Variants in POLDIP3 observed in about 807,000 individuals in gnomAD.
The protein encoded by POLDIP3 is polymerase delta-interacting protein 3.
Under a neutral mutation model 45.1 loss-of-function variants are expected in POLDIP3, and 14 were observed. The ratio of observed to expected loss-of-function variants is 0.31; its 90% CI spans 0.20 to 0.49. POLDIP3 has a LOEUF of 0.49. Among genes scored for constraint, POLDIP3 ranks in the 20% least tolerant of loss-of-function variants. The pLI is 0.99. For synonymous variants in POLDIP3, 223 were observed against 205.2 expected (o/e 1.09, Z -0.74); for missense variants, 511 against 538.8 (o/e 0.95, Z 0.51).
chr22:42,614,691 G>C (rs548314854), intron 1 of POLDIP3, 108 bp downstream of exon 1: 10 of 1,258,994 alleles, frequency 7.9e-6, no homozygotes, highest in East Asian at 2.5e-5. Flanking sequence ...CTGTGGTCGG[G>C]GGCGGGCGCA....
intron 1 of POLDIP3, among the ~76,000 whole-genome samples, chr22:42,614,310 G>C (rs547863525): frequency 3.5e-4 from 54 of 152,356 alleles, no homozygotes; most frequent in Middle Eastern, 3.4e-3. Context: ...AGAGAGGCGA[G>C]TGTTAACAGG....
chr22:42,614,235 C>T (rs1927314935), intron 1 of POLDIP3, among the ~76,000 whole-genome samples: 1 of 152,170 alleles, frequency 6.6e-6, no homozygotes, highest in Non-Finnish European at 1.5e-5. Context: ...GACAACAGGA[C>T]TGTAAAAGAT....
rs1171879887 is a variant in POLDIP3 at position 42,585,101 on chromosome 22, G to T, written c.*690C>A. ...CATTCAGCACAACTCAAGGAAAAGGGAAAGGTGAACTCTGGAGAACTTCCT... is the reference window on the plus strand; with the variant it reads ...CATTCAGCACAACTCAAGGAAAAGGTAAAGGTGAACTCTGGAGAACTTCCT... On this transcript the variant is annotated 3_prime_UTR_variant, in exon 9 of 9. Coordinates refer to ENST00000252115, the MANE Select transcript of POLDIP3 (RefSeq NM_032311.5). 4 of 439,832 alleles carry T rather than the reference G, an allele frequency of 9.1e-6. No homozygotes were observed. The highest frequency in any genetic ancestry group is 1.8e-5 in the Non-Finnish European group (4 of 219,766). 27.2% of individuals were successfully genotyped at this position (439,832 alleles called of 1,614,324 possible).
Position 42,614,835 on chromosome 22 carries a change from T to C in POLDIP3, c.23A>G (p.Glu8Gly), listed in dbSNP as rs1264537296. The C allele has an allele frequency of 6.2e-7, 1 of 1,614,030 alleles. No homozygotes were observed. Among genetic ancestry groups the C allele is most frequent in the East Asian group, 2.2e-5 (1 of 44,876 alleles). The change falls in exon 1 of 9, where the codon GAA becomes GGA. Residue 8 changes from glutamate (E) to glycine (G), a missense_variant. Physicochemically the swap from Glu to Gly is moderately conservative, Grantham distance 98. This residue lies in a region of POLDIP3 where 378 missense variants were observed against 352.3 expected (regional missense o/e 1.07). Transcript: ENST00000252115. MADISLD[E>G]LIRKRGAAAK... Reference sequence around the variant, plus strand: ...CGCCGCCCCGCGCTTCCTGATGAGTTCGTCCAGGGAGATGTCCGCCATCTT... The same window carrying C: ...CGCCGCCCCGCGCTTCCTGATGAGTCCGTCCAGGGAGATGTCCGCCATCTT...
rs943193120 is a variant in POLDIP3, at chr22:42,584,379, A to G, written c.*1412T>C. 6.3e-6 allele frequency: 1 copy of G among 157,790 alleles called. No homozygotes were observed. The highest frequency in any genetic ancestry group is 2.5e-5 in the African/African-American group (1 of 39,930). 9.8% of individuals were successfully genotyped at this position (157,790 alleles called of 1,614,324 possible). ...ATCCTGGGTCCTTCCTGCCTGACAG[A>G]CTGACCCCTGGAAACATGAGTCTCT... On this transcript the variant is annotated 3_prime_UTR_variant, in exon 9 of 9. Transcript: ENST00000252115.
rs771453339 is a variant in POLDIP3 at position 42,603,141 on chromosome 22, C to A, written c.79G>T (p.Val27Phe). 1.2e-6 allele frequency: 2 copies of A among 1,614,056 alleles called. No homozygotes were observed. Among genetic ancestry groups the A allele is most frequent in the Non-Finnish European group, 1.7e-6 (2 of 1,179,968 alleles). The change falls in exon 2 of 9, where the codon GTT (valine) becomes TTT (phenylalanine). Residue 27 changes from valine (V) to phenylalanine (F), a missense_variant. Val to Phe is a conservative substitution (Grantham distance 50). Around this residue, in one of 4 missense-constraint regions of POLDIP3, gnomAD observed 378 missense variants for 352.3 expected, o/e 1.07. Transcript: ENST00000252115. Reference sequence around the variant, plus strand: ...CCAACTCGAGATCGGACACCTCCAACTCCCGGTCTGGCATTAAGCCTGTAA... The same window carrying A: ...CCAACTCGAGATCGGACACCTCCAAATCCCGGTCTGGCATTAAGCCTGTAA... ...AKGRLNARPG[V>F]GGVRSRVGIQ...
rs1012874586 is a variant in POLDIP3 at position 42,602,072 on chromosome 22, G to A, written c.451-16C>T. 5 of 1,613,938 alleles carry A rather than the reference G, an allele frequency of 3.1e-6. No homozygotes were observed. Among genetic ancestry groups the A allele is most frequent in the African/African-American group, 2.7e-5 (2 of 74,920 alleles). On this transcript the variant is annotated splice_polypyrimidine_tract_variant and intron_variant, in intron 2 of 8. Transcript: ENST00000252115. Reference sequence around the variant, plus strand: ...GCTGTGGAACCTGGAAACACTCAGTGGTCAGAATCCACCCCACAGGGTCCA... The same window carrying A: ...GCTGTGGAACCTGGAAACACTCAGTAGTCAGAATCCACCCCACAGGGTCCA...
chr22:42,603,127 T>G lies in POLDIP3; in HGVS notation c.93A>C (p.Arg31=). The change falls in exon 2 of 9, where the codon CGA becomes CGC. Residue 31 remains arginine (R), a synonymous_variant. Coordinates refer to ENST00000252115, the MANE Select transcript of POLDIP3 (RefSeq NM_032311.5). ...LNARPGVGGV[R]SRVGIQQGLL... is the part of the protein sequence containing the mutation. ...GGCCTTGCTGGATCCCAACTCGAGA[T>G]CGGACACCTCCAACTCCCGGTCTGG... is the stretch of plus-strand genomic sequence containing the variant. The G allele has an allele frequency of 1.9e-6, 3 of 1,614,100 alleles. No individual in the cohort carries two copies. The highest frequency in any genetic ancestry group is 2.5e-6 in the Non-Finnish European group (3 of 1,180,006).
At chr22:42,607,044 C>T (rs1013487940) in intron 1 of POLDIP3, among the ~76,000 whole-genome samples, 3 of 152,152 alleles carry the variant, frequency 2.0e-5, no homozygotes, top group African/African-American at 4.8e-5. Flanking sequence ...GCGGGCAGAT[C>T]GCTTGAGCCC....
At chr22:42,594,058 A>C (rs1313643371) in intron 6 of POLDIP3, among the ~76,000 whole-genome samples, 3 of 152,164 alleles carry the variant, frequency 2.0e-5, no homozygotes, top group African/African-American at 7.2e-5. Flanking sequence ...TCAGGAGTTC[A>C]AGACCAACAC....
intron 1 of POLDIP3, among the ~76,000 whole-genome samples, chr22:42,609,476 G>A (rs1270765813): frequency 6.6e-6 from 1 of 152,184 alleles, no homozygotes; most frequent in African/African-American, 2.4e-5. Context: ...ACCAGGGAGG[G>A]TCTGTCTGGG....
At position 42,586,520 on chromosome 22, in the gene POLDIP3, T is replaced by G. The variant is rs12330073; in HGVS notation, c.1089-552A>C. ...TTGTGGTTTTAAGTTTAGGAAACAC[T>G]GCATGTTCCTTCTGGATGGTAACAT... On this transcript the variant is annotated intron_variant, in intron 8 of 8. Transcript: ENST00000252115. 2.3e-3 allele frequency among the ~76,000 whole-genome samples: 355 copies of G among 152,292 alleles called. 2 individuals carry two copies. The highest frequency in any genetic ancestry group is 8.0e-3 in the African/African-American group (332 of 41,558).
At chr22:42,611,575 G>A (rs559115879) in intron 1 of POLDIP3, among the ~76,000 whole-genome samples, 12 of 152,278 alleles carry the variant, frequency 7.9e-5, no homozygotes, top group Admixed American at 7.9e-4. Flanking sequence ...TTCCAAGTAC[G>A]CAGATTCTTC....
In POLDIP3 at chr22:42,609,143, C is replaced by T. The variant is rs1312043490; in HGVS notation, c.59+5656G>A. Among the ~76,000 whole-genome samples the T allele has an allele frequency of 2.6e-5, 4 of 152,220 alleles. No individual in the cohort carries two copies. The East Asian group carries it at 7.7e-4, about 29-fold the overall frequency. The stretch of plus-strand genomic sequence containing the variant: ...GGGGCTCCTTTACAAAGCCCAACCC[C>T]TGGGGGGGCCTCGGCTCTGGCTCCA... On this transcript the variant is annotated intron_variant, in intron 1 of 8. Coordinates refer to ENST00000252115, the MANE Select transcript of POLDIP3 (RefSeq NM_032311.5).
rs369224500 is a variant in POLDIP3 at position 42,585,988 on chromosome 22, G to A, written c.1089-20C>T. On this transcript the variant is annotated intron_variant, in intron 8 of 8. Coordinates refer to ENST00000252115, the MANE Select transcript of POLDIP3 (RefSeq NM_032311.5). Reference sequence around the variant, plus strand: ...AGCCGCCTGTGGAGAGCAGAGAAGAGTCAAAAATTCTTGTCAGTTTTTCCT... The same window carrying A: ...AGCCGCCTGTGGAGAGCAGAGAAGAATCAAAAATTCTTGTCAGTTTTTCCT... The A allele has an allele frequency of 1.1e-4, 166 of 1,576,836 alleles. No individual in the cohort carries two copies. The highest frequency in any genetic ancestry group is 3.4e-4 in the Middle Eastern group (2 of 5,830).
chr22:42,608,257 C>T (rs1239744694), intron 1 of POLDIP3, among the ~76,000 whole-genome samples: 2 of 128,134 alleles, frequency 1.6e-5, no homozygotes, highest in Non-Finnish European at 3.2e-5. Context: ...AACCTTACCC[C>T]CCCCCCCAAA....
At position 42,596,235 on chromosome 22, in the gene POLDIP3, C is replaced by T. The variant is rs1385914300; in HGVS notation, c.764G>A (p.Arg255Gln). ...IRTKALTNMSRTLVNKEEPPK... is the reference protein window; with the variant it reads ...IRTKALTNMSQTLVNKEEPPK... ...GGGTTCTTCCTTGTTCACCAGTGTCCGGGACATGTTGGTCAAGGCTTTTGT... is the reference window on the plus strand; with the variant it reads ...GGGTTCTTCCTTGTTCACCAGTGTCTGGGACATGTTGGTCAAGGCTTTTGT... The change falls in exon 5 of 9, where the codon CGG becomes CAG. Residue 255 changes from arginine (R) to glutamine (Q), a missense_variant. Arg to Gln is a conservative substitution (Grantham distance 43). This residue lies in a region of POLDIP3 where 378 missense variants were observed against 352.3 expected (regional missense o/e 1.07). Coordinates refer to ENST00000252115, the MANE Select transcript of POLDIP3 (RefSeq NM_032311.5). 9 of 1,614,010 alleles carry T rather than the reference C, an allele frequency of 5.6e-6. No homozygotes were observed. The highest frequency in any genetic ancestry group is 1.7e-5 in the Admixed American group (1 of 60,000).
chr22:42,591,113 AAAAG>A (rs1400380702), intron 7 of POLDIP3, among the ~76,000 whole-genome samples: 3 of 151,526 alleles, frequency 2.0e-5, no homozygotes, highest in South Asian at 2.1e-4. Flanking sequence ...AAAAATAAAA[AAAAG>A]AAAGAAAAAG....
intron 4 of POLDIP3, among the ~76,000 whole-genome samples, chr22:42,599,083 G>A (rs565329361): frequency 3.9e-5 from 6 of 152,338 alleles, no homozygotes; most frequent in Admixed American, 2.0e-4. Context: ...AGAATGGCCA[G>A]CCACCAAGGA....
Sources: gnomAD v4.1 joint callset for allele counts (sites outside exome capture counted in the v4.1 genomes callset) on GRCh38, gnomAD v4.1.1 for gene constraint, gnomAD v4.1.1 regional missense constraint, MANE v1.5 for transcripts, NCBI Gene and HGNC (gene_info 2026-07-23, HGNC 2026-07-21) for gene names.